CADM2: variants seen among roughly 807,000 people sequenced by gnomAD.
CADM2 encodes the protein cell adhesion molecule 2, also known as immunoglobulin superfamily member 4D.
Under a neutral mutation model 49.8 loss-of-function variants are expected in CADM2, and 12 were observed. The observed-to-expected ratio is 0.24, with a 90% CI of 0.15 to 0.39. The LOEUF is 0.39. Ranked by LOEUF, CADM2 falls within the 10% of genes least tolerant of loss-of-function variation. The pLI is 1.00. For synonymous variants in CADM2, 214 were observed against 175.4 expected (o/e 1.22, Z -1.74); for missense variants, 378 against 492.3 (o/e 0.77, Z 2.20).
chr3:85,668,922 A>AAT (rs1260057954), intron 1 of CADM2, among the ~76,000 whole-genome samples: 4 of 152,144 alleles, frequency 2.6e-5, no homozygotes, highest in Admixed American at 2.6e-4. Flanking sequence ...GGAAGAAATG[A>AAT]ATATGGATTT....
intron 1 of CADM2, among the ~76,000 whole-genome samples, chr3:84,986,081 C>T (rs1472362709): frequency 6.6e-6 from 1 of 152,074 alleles, no homozygotes; most frequent in Non-Finnish European, 1.5e-5. Flanking sequence ...AAAAAGTCAT[C>T]AAGACATTTA....
chr3:85,430,362 A>C (rs1018333792), intron 1 of CADM2, among the ~76,000 whole-genome samples: 2 of 152,060 alleles, frequency 1.3e-5, no homozygotes, highest in Non-Finnish European at 2.9e-5. Flanking sequence ...TTGACTCATG[A>C]AAGGAGGCTG....
At chr3:85,910,585 G>A (rs757509199) in intron 5 of CADM2, among the ~76,000 whole-genome samples, 15 of 151,940 alleles carry the variant, frequency 9.9e-5, no homozygotes, top group African/African-American at 1.2e-4. Context: ...CATAGGACAC[G>A]TTTATAAACA....
Position 85,878,610 on chromosome 3 carries a change from T to C in CADM2, c.239-4681T>C, listed in dbSNP as rs577722562. Among the ~76,000 whole-genome samples, 35 of 152,220 alleles carry C rather than the reference T, an allele frequency of 2.3e-4. No homozygotes were observed. In the South Asian group the frequency reaches 7.0e-3, roughly 31 times the overall value. On this transcript the variant is annotated intron_variant, in intron 3 of 9. Coordinates refer to ENST00000383699, the MANE Select transcript of CADM2 (RefSeq NM_001167675.2). ...TTCAGTTCTCATCATAATCCAAAGA[T>C]GGAAGGAATCAGAAATTATTATCAC...
At chr3:85,239,826 G>A (rs1169523115) in intron 1 of CADM2, among the ~76,000 whole-genome samples, 1 of 151,138 alleles carries the variant, frequency 6.6e-6, no homozygotes, top group Non-Finnish European at 1.5e-5. Context: ...AAAATGTCAG[G>A]AAGGTATTTA....
intron 3 of CADM2, among the ~76,000 whole-genome samples, chr3:85,840,028 A>ATAATT (rs1277432436): frequency 1.3e-5 from 2 of 151,844 alleles, no homozygotes; most frequent in African/African-American, 2.4e-5. Flanking sequence ...TATTTGATAT[A>ATAATT]TAATTTACCA....
intron 1 of CADM2, among the ~76,000 whole-genome samples, chr3:85,094,236 T>C (rs890344866): frequency 6.6e-6 from 1 of 152,130 alleles, no homozygotes; most frequent in African/African-American, 2.4e-5. Context: ...AAATTCCTCC[T>C]AGGAATTTAT....
intron 1 of CADM2, among the ~76,000 whole-genome samples, chr3:85,261,793 A>C (rs2043019093): frequency 6.6e-6 from 1 of 152,108 alleles, no homozygotes; most frequent in East Asian, 1.9e-4. Context: ...TTGGCAATTC[A>C]AATATTTCTA....
intron 1 of CADM2, among the ~76,000 whole-genome samples, chr3:85,290,800 T>C (rs1001032916): frequency 1.3e-4 from 19 of 151,886 alleles, no homozygotes; most frequent in Non-Finnish European, 2.4e-4. Context: ...ATCACCATCA[T>C]CAAAGACCAA....
chr3:85,641,257 T>C (rs2064701290), intron 1 of CADM2, among the ~76,000 whole-genome samples: 1 of 152,144 alleles, frequency 6.6e-6, no homozygotes, highest in Non-Finnish European at 1.5e-5. Flanking sequence ...AATACACTAG[T>C]AATAGAAAAT....
At chr3:85,079,602 G>A (rs183926543) in intron 1 of CADM2, among the ~76,000 whole-genome samples, 55 of 151,710 alleles carry the variant, frequency 3.6e-4, no homozygotes, top group Admixed American at 1.7e-3. Context: ...TAAGAAAATC[G>A]TATAATAATA....
At chr3:85,755,109 G>A (rs118152687) in intron 2 of CADM2, among the ~76,000 whole-genome samples, 1,762 of 152,196 alleles carry the variant, frequency 0.012, 55 homozygotes, top group South Asian at 0.11. Flanking sequence ...AGTTAGTGCA[G>A]TCCCACAAAT....
intron 1 of CADM2, among the ~76,000 whole-genome samples, chr3:85,332,635 G>A (rs1309065283): frequency 2.0e-5 from 3 of 151,928 alleles, no homozygotes; most frequent in African/African-American, 7.2e-5. Flanking sequence ...ATATTTAAGT[G>A]AATAATCCAC....
intron 3 of CADM2, among the ~76,000 whole-genome samples, chr3:85,827,425 G>A (rs9826482): frequency 0.14 from 21,908 of 151,746 alleles, 2,003 homozygotes; most frequent in Non-Finnish European, 0.2. Flanking sequence ...TGCATAGCGC[G>A]GTGTGTAGAT....
At chr3:85,781,078 C>A (rs536521621) in intron 2 of CADM2, among the ~76,000 whole-genome samples, 166 of 152,258 alleles carry the variant, frequency 1.1e-3, no homozygotes, top group Admixed American at 3.3e-3. Context: ...CATTAAGAAG[C>A]ACAGCCAAGA....
At chr3:85,718,843 G>T (rs2067391842) in intron 1 of CADM2, among the ~76,000 whole-genome samples, 1 of 150,068 alleles carries the variant, frequency 6.7e-6, no homozygotes, top group South Asian at 2.1e-4. Context: ...CACCTCTTTG[G>T]AAACAAAGTA....
chr3:85,222,301 C>G (rs1164451376), intron 1 of CADM2, among the ~76,000 whole-genome samples: 1 of 152,092 alleles, frequency 6.6e-6, no homozygotes, highest in Non-Finnish European at 1.5e-5. Flanking sequence ...TTGGCTTCTC[C>G]CAGCCAACGA....
At chr3:85,319,882 T>A (rs1192412241) in intron 1 of CADM2, among the ~76,000 whole-genome samples, 2 of 152,186 alleles carry the variant, frequency 1.3e-5, no homozygotes, top group Non-Finnish European at 2.9e-5. Flanking sequence ...TGACATGAGC[T>A]GTTCTATTTA....
At chr3:85,850,946 T>C (rs755209783) in intron 3 of CADM2, among the ~76,000 whole-genome samples, 1 of 152,100 alleles carries the variant, frequency 6.6e-6, no homozygotes, top group African/African-American at 2.4e-5. Flanking sequence ...ACTGTAGCAA[T>C]GGGAGGGACA....
Sources: gnomAD v4.1 joint callset for allele counts (sites outside exome capture counted in the v4.1 genomes callset) on GRCh38, gnomAD v4.1.1 for gene constraint, MANE v1.5 for transcripts, NCBI Gene and HGNC (gene_info 2026-07-23, HGNC 2026-07-21) for gene names.